Variants in VWF observed in about 807,000 individuals in gnomAD.
VWF encodes the protein von Willebrand factor.
A neutral mutation model predicts 308.6 loss-of-function variants in VWF; 176 were observed. The observed-to-expected ratio is 0.57, with a 90% CI of 0.50 to 0.65. The LOEUF (loss-of-function observed/expected upper bound fraction) is 0.65, where lower values mean the gene tolerates loss of function less well. Ranked by LOEUF, VWF falls within the 30% of genes least tolerant of loss-of-function variation. The probability of loss-of-function intolerance (pLI) is 0.00; values close to 1 mark genes in which losing one functional copy is unlikely to be tolerated. For missense variants in VWF, 3,146 were observed against 3,648.2 expected, an observed-to-expected ratio of 0.86 and a Z score of 3.55; for synonymous variants, 1,385 against 1,443.4, an observed-to-expected ratio of 0.96 and a Z score of 0.92.
chr12:6,042,355 C>T (rs985167213), intron 18 of VWF, among the ~76,000 whole-genome samples: 2 of 152,134 alleles, frequency 1.3e-5, no homozygotes, highest in Admixed American at 6.5e-5. Flanking sequence ...AGGAACACCC[C>T]GAGGGATGAT....
At chr12:5,968,948 G>A (rs767224185) in intron 45 of VWF, among the ~76,000 whole-genome samples, 7 of 152,204 alleles carry the variant, frequency 4.6e-5, no homozygotes, top group Non-Finnish European at 7.3e-5. Flanking sequence ...TGGGTGAAAC[G>A]TCACAGCATT....
At chr12:5,996,289 A>G (rs969993369) in intron 34 of VWF, 67 bp from the exon 35 acceptor site, 3 of 1,488,314 alleles carry the variant, frequency 2.0e-6, no homozygotes, top group Non-Finnish European at 1.8e-6. Flanking sequence ...ACATGCAGAC[A>G]GGCAGGTGTG....
Position 6,024,076 on chromosome 12 carries a change from A to G in VWF, c.3223-289T>C, listed in dbSNP as rs887313. 6.6e-6 allele frequency among the ~76,000 whole-genome samples: 1 copy of G among 152,016 alleles called. No individual in the cohort carries two copies. The highest frequency in any genetic ancestry group is 1.9e-4 in the East Asian group (1 of 5,190). On this transcript the variant is annotated intron_variant, in intron 24 of 51. Transcript: ENST00000261405. This position sits in a 1 kb window ranked among gnomAD's most constrained non-coding sequence, Gnocchi z 4.0. ...GAACATTCCCTCTGTCCCTCTGCCT[A>G]CCTCCCTGCTCAGCCACCCATCTGT...
In VWF at chr12:6,049,804, G is replaced by T. The variant is rs1025316766; in HGVS notation, c.2186+2739C>A. Among the ~76,000 whole-genome samples, 4 of 152,230 alleles carry T rather than the reference G, an allele frequency of 2.6e-5. No individual in the cohort carries two copies. The East Asian group carries it at 7.7e-4, about 29-fold the overall frequency. ...GCCAAGTCAGCAGTCCTGCAGAGGA[G>T]GTCCTTACTCCCTTCTGCCCTTCAT... On this transcript the variant is annotated intron_variant, in intron 16 of 51. Transcript: ENST00000261405.
chr12:6,115,966 G>A (rs1483144204), intron 3 of VWF, among the ~76,000 whole-genome samples: 18 of 152,178 alleles, frequency 1.2e-4, no homozygotes, highest in Admixed American at 8.5e-4. Context: ...ACAAAGCTGC[G>A]TAACAGGGCA....
At chr12:6,036,349 G>C in intron 19 of VWF, 39 bp downstream of exon 19, 1 of 1,601,690 alleles carries the variant, frequency 6.2e-7, no homozygotes, top group Non-Finnish European at 8.6e-7. Context: ...TCCACCCGCA[G>C]GGCCTGGGTC....
At chr12:6,066,144 G>A (rs148153997) in intron 10 of VWF, among the ~76,000 whole-genome samples, 20 of 152,004 alleles carry the variant, frequency 1.3e-4, no homozygotes, top group Middle Eastern at 3.4e-3. Context: ...TCTCCCCCAC[G>A]CCCCAGCCTA....
chr12:6,039,295 C>T lies in VWF; in HGVS notation c.2443-2804G>A, dbSNP rs546258778. Among the ~76,000 whole-genome samples, 13 of 152,346 alleles carry T rather than the reference C, an allele frequency of 8.5e-5. No individual in the cohort carries two copies. In the East Asian group the frequency reaches 2.1e-3, roughly 25 times the overall value. ...GGGTCAGGCTGAGAACGTGGTCCTACGTGTTGGTCCACTCCAAGAAAATTA... is the reference window on the plus strand; with the variant it reads ...GGGTCAGGCTGAGAACGTGGTCCTATGTGTTGGTCCACTCCAAGAAAATTA... On this transcript the variant is annotated intron_variant, in intron 18 of 51. Coordinates refer to ENST00000261405, the MANE Select transcript of VWF (RefSeq NM_000552.5).
intron 6 of VWF, among the ~76,000 whole-genome samples, chr12:6,079,472 T>A (rs547382327): frequency 6.6e-6 from 1 of 151,996 alleles, no homozygotes; most frequent in Non-Finnish European, 1.5e-5. Context: ...TAGCCGGGCA[T>A]GGTGGCGGGC....
intron 17 of VWF, among the ~76,000 whole-genome samples, chr12:6,044,860 TG>T (rs933905099): frequency 5.9e-5 from 9 of 152,116 alleles, no homozygotes; most frequent in Admixed American, 2.6e-4. Flanking sequence ...ACAACTAATG[TG>T]GGGAGAGAAG....
chr12:6,116,633 A>G (rs1196303923), intron 3 of VWF, among the ~76,000 whole-genome samples: 1 of 152,108 alleles, frequency 6.6e-6, no homozygotes, highest in East Asian at 1.9e-4. Context: ...AGCAGTCTCT[A>G]CGGAGGAGCA....
At chr12:6,082,415 T>G (rs1944922788) in intron 6 of VWF, among the ~76,000 whole-genome samples, 1 of 152,236 alleles carries the variant, frequency 6.6e-6, no homozygotes, top group Non-Finnish European at 1.5e-5. Context: ...TCATTATTTT[T>G]TAAGAGTATA....
At chr12:6,083,389 A>C (rs1179516694) in intron 6 of VWF, among the ~76,000 whole-genome samples, 1 of 152,036 alleles carries the variant, frequency 6.6e-6, no homozygotes, top group Non-Finnish European at 1.5e-5. Context: ...ATATGGCAAA[A>C]CCTTATCTCT....
chr12:6,059,179 A>G (rs1445801469), intron 13 of VWF, among the ~76,000 whole-genome samples: 1 of 152,100 alleles, frequency 6.6e-6, no homozygotes, highest in Non-Finnish European at 1.5e-5. Flanking sequence ...CAAATACCAA[A>G]TGTTGTCACA....
At chr12:6,012,294 G>C (rs1338871590) in intron 32 of VWF, among the ~76,000 whole-genome samples, 164 bp from the exon 33 acceptor site, 1 of 152,266 alleles carries the variant, frequency 6.6e-6, no homozygotes, top group Non-Finnish European at 1.5e-5. Flanking sequence ...ATGAGGCTGA[G>C]GTGGTCATCC....
At chr12:5,992,102 TCAGA>T in intron 37 of VWF, 84 bp from the exon 38 acceptor site, 1 of 1,333,410 alleles carries the variant, frequency 7.5e-7, no homozygotes, top group Admixed American at 1.9e-5. Context: ...TGGTTAATCA[TCAGA>T]CAAACTTGCC....
chr12:6,081,133 T>G (rs1278758582), intron 6 of VWF, among the ~76,000 whole-genome samples: 1 of 152,140 alleles, frequency 6.6e-6, no homozygotes, highest in African/African-American at 2.4e-5. Context: ...CACCTCCTTC[T>G]CCACAGCTGA....
intron 5 of VWF, among the ~76,000 whole-genome samples, chr12:6,096,361 C>T (rs1447649490): frequency 6.6e-6 from 1 of 152,154 alleles, no homozygotes; most frequent in Non-Finnish European, 1.5e-5. Flanking sequence ...AGTGAATGGT[C>T]CTTTCTGAAC....
intron 10 of VWF, among the ~76,000 whole-genome samples, chr12:6,067,113 C>T (rs982754097): frequency 1.3e-5 from 2 of 152,176 alleles, no homozygotes; most frequent in Admixed American, 6.5e-5. Context: ...AGTGACTGTT[C>T]GTGGAGGACA....
Sources: allele counts gnomAD v4.1 joint callset (sites outside exome capture counted in the v4.1 genomes callset), GRCh38; gene constraint gnomAD v4.1.1; non-coding constraint Gnocchi (gnomAD v3.1); transcripts MANE v1.5; gene names NCBI Gene and HGNC (gene_info 2026-07-23, HGNC 2026-07-21).